Variants in OGG1 observed in about 807,000 individuals in gnomAD.
OGG1 encodes N-glycosylase/DNA lyase.
OGG1 carries 35 observed loss-of-function variants against 42.3 expected under a neutral mutation model. The ratio of observed to expected loss-of-function variants is 0.83; its 90% CI spans 0.63 to 1.10. The LOEUF is 1.10. Among genes scored for constraint, OGG1 ranks in the 50% least tolerant of loss-of-function variants. The pLI, the probability that OGG1 is intolerant of heterozygous loss-of-function variation, is 0.00. For missense variants in OGG1, 484 were observed against 446.7 expected, an observed-to-expected ratio of 1.08 and a Z score of -0.75; for synonymous variants, 189 against 179.0, an observed-to-expected ratio of 1.06 and a Z score of -0.44.
downstream of OGG1, among the ~76,000 whole-genome samples, chr3:9,771,494 T>C (rs2078298064): frequency 6.6e-6 from 1 of 152,202 alleles, no homozygotes; most frequent in African/African-American, 2.4e-5. Flanking sequence ...TTCTATGATA[T>C]AATGATATGA....
At chr3:9,750,580 AT>A in intron 1 of OGG1, 157 bp downstream of exon 1, 1 of 936,146 alleles carries the variant, frequency 1.1e-6, no homozygotes. Flanking sequence ...TACCTTTAAT[AT>A]GTCTGTACAG....
rs749718771 is a variant in OGG1, at chr3:9,754,855, C to T, written c.717C>T (p.Ala239=). Residue 239 remains alanine, a synonymous_variant, in exon 4 of 7, where the codon GCC becomes GCT. Coordinates refer to ENST00000344629, the MANE Select transcript of OGG1 (RefSeq NM_002542.6). The stretch of plus-strand genomic sequence containing the variant: ...CCTCATATGAGGAGGCCCACAAGGC[C>T]CTCTGCATCCTGCCTGGAGTGGGCA... ...RESSYEEAHK[A]LCILPGVGTK... 17 of 1,604,778 alleles carry T rather than the reference C, an allele frequency of 1.1e-5. No homozygotes were observed. The highest frequency in any genetic ancestry group is 1.4e-5 in the Non-Finnish European group (17 of 1,175,614).
In OGG1 at chr3:9,754,714, G is replaced by A. The variant is rs751334761; in HGVS notation, c.576G>A (p.Val192=). 1.1e-5 allele frequency: 17 copies of A among 1,614,168 alleles called. No individual in the cohort carries two copies. Among genetic ancestry groups the A allele is most frequent in the Admixed American group, 1.0e-4 (6 of 60,022 alleles). The change falls in exon 4 of 7, where the codon GTG becomes GTA. Residue 192 remains valine (V), a synonymous_variant. Coordinates refer to ENST00000344629, the MANE Select transcript of OGG1 (RefSeq NM_002542.6). ...CCTCACTCCCCGCAGGGCCAGAGGTGGAGGCTCATCTCAGGAAGCTGGGCC... is the reference window on the plus strand; with the variant it reads ...CCTCACTCCCCGCAGGGCCAGAGGTAGAGGCTCATCTCAGGAAGCTGGGCC... ...PSLQALAGPE[V]EAHLRKLGLG... is the part of the protein sequence containing the mutation.
downstream of OGG1, among the ~76,000 whole-genome samples, chr3:9,767,302 T>G (rs990017098): frequency 3.3e-5 from 5 of 152,126 alleles, no homozygotes; most frequent in Non-Finnish European, 7.3e-5. Flanking sequence ...TGGGATCAAC[T>G]TGAAGGGCAG....
intron 2 of OGG1, among the ~76,000 whole-genome samples, chr3:9,771,776 A>T (rs1182039982): frequency 6.8e-6 from 1 of 146,808 alleles, no homozygotes; most frequent in Non-Finnish European, 1.5e-5. Flanking sequence ...GGGTGATAAG[A>T]TGACCTCTGT....
chr3:9,752,955 G>A (rs1321244097), intron 3 of OGG1, among the ~76,000 whole-genome samples: 1 of 152,158 alleles, frequency 6.6e-6, no homozygotes, highest in Non-Finnish European at 1.5e-5. Context: ...GGGTGAGGCA[G>A]GAGAATTGCT....
chr3:9,767,492 C>T (rs867173215), downstream of OGG1, among the ~76,000 whole-genome samples: 5 of 152,202 alleles, frequency 3.3e-5, no homozygotes, highest in East Asian at 1.9e-4. Context: ...GAGAGCAGCC[C>T]GTGTCCCACC....
chr3:9,756,820 A>C lies in OGG1; in HGVS notation c.948+4A>C. 1 of 1,613,800 alleles carries C rather than the reference A, an allele frequency of 6.2e-7. No individual in the cohort carries two copies. The highest frequency in any genetic ancestry group is 8.5e-7 in the Non-Finnish European group (1 of 1,179,982). On this transcript the variant is annotated splice_donor_region_variant and intron_variant, in intron 6 of 6. Transcript: ENST00000344629. The stretch of plus-strand genomic sequence containing the variant: ...TTATGCTGGCTGGGCCCAAGCGGTG[A>C]GTGTACCTAGGTGTCCTCCCTAGGT...
chr3:9,759,918 C>T (rs139193244), downstream of OGG1: 332 of 1,056,494 alleles, frequency 3.1e-4, 4 homozygotes, highest in African/African-American at 4.7e-3. Context: ...CCTCCCACCC[C>T]GTGCCTTCCA....
chr3:9,765,449 A>T (rs901968327), intron 7 of OGG1, among the ~76,000 whole-genome samples: 1 of 152,124 alleles, frequency 6.6e-6, no homozygotes, highest in African/African-American at 2.4e-5. Context: ...AGGTCCAGAG[A>T]CAACACCAAC....
chr3:9,759,422 G>A, downstream of OGG1: 1 of 1,608,610 alleles, frequency 6.2e-7, no homozygotes, highest in Non-Finnish European at 8.5e-7. Context: ...TGTGCAAGCT[G>A]AGCCTGGGTA....
chr3:9,789,602 T>C, downstream of OGG1: 7 of 1,614,058 alleles, frequency 4.3e-6, no homozygotes, highest in East Asian at 6.7e-5. Flanking sequence ...AGGGCTCCAC[T>C]GAAGCCCAGA....
chr3:9,759,006 G>C, downstream of OGG1: 1 of 635,552 alleles, frequency 1.6e-6, no homozygotes, highest in South Asian at 1.7e-5. Flanking sequence ...GATCAAGTTG[G>C]TGCTCCTCTG....
chr3:9,790,657 A>G (rs1474728979), downstream of OGG1, among the ~76,000 whole-genome samples: 1 of 152,232 alleles, frequency 6.6e-6, no homozygotes, highest in Non-Finnish European at 1.5e-5. Context: ...GCAAATAAAT[A>G]ACATCTGAAG....
chr3:9,787,098 G>A lies in OGG1; in HGVS notation c.383-630G>A, dbSNP rs767392208. The A allele has an allele frequency of 4.3e-6, 7 of 1,614,082 alleles. No individual in the cohort carries two copies. In the African/African-American group the frequency reaches 9.3e-5, roughly 22 times the overall value. On this transcript the variant is annotated intron_variant, in intron 3 of 3. Transcript: ENST00000426518. ...TGCTGGGCCTCAGACTTCTTCAGCAGGGCATCCACATCTAAGCGGGCACAG... is the reference window on the plus strand; with the variant it reads ...TGCTGGGCCTCAGACTTCTTCAGCAAGGCATCCACATCTAAGCGGGCACAG...
In OGG1 at chr3:9,751,122, C is replaced by T; in HGVS notation, c.315C>T (p.Thr105=). The change falls in exon 2 of 7, where the codon ACC becomes ACT. Residue 105 remains threonine (T), a synonymous_variant. Coordinates refer to ENST00000344629, the MANE Select transcript of OGG1 (RefSeq NM_002542.6). The part of the protein sequence containing the change: ...AVRKYFQLDV[T]LAQLYHHWGS... The stretch of plus-strand genomic sequence containing the variant: ...GCAAGTACTTCCAGCTAGATGTTAC[C>T]CTGGCTCAACTGTATCACCACTGGG... The T allele has an allele frequency of 8.7e-6, 14 of 1,614,132 alleles. No individual in the cohort carries two copies. Among genetic ancestry groups the T allele is most frequent in the Non-Finnish European group, 1.2e-5 (14 of 1,180,040 alleles).
chr3:9,785,946 T>TG (rs974788799), intron 3 of OGG1, among the ~76,000 whole-genome samples: 40 of 151,294 alleles, frequency 2.6e-4, no homozygotes, highest in Non-Finnish European at 5.2e-4. Flanking sequence ...TGTTTTGTTT[T>TG]TTTTTTTTGA....
downstream of OGG1, chr3:9,760,901 G>T: frequency 7.6e-7 from 1 of 1,321,298 alleles, no homozygotes; most frequent in Non-Finnish European, 1.0e-6. Flanking sequence ...TACCAGCCCT[G>T]CCTGCTCACT....
exon 8 of OGG1, chr3:9,766,287 T>A: frequency 1.4e-6 from 1 of 701,580 alleles, no homozygotes; most frequent in African/African-American, 1.7e-5. Flanking sequence ...GATAACATTA[T>A]GTGGCCCTCT....
Sources: allele counts gnomAD v4.1 joint callset (sites outside exome capture counted in the v4.1 genomes callset), GRCh38; gene constraint gnomAD v4.1.1; transcripts MANE v1.5; gene names NCBI Gene and HGNC (gene_info 2026-07-23, HGNC 2026-07-21).